TNR: variants seen among roughly 807,000 people sequenced by gnomAD.
TNR encodes tenascin-R.
TNR carries 45 observed loss-of-function variants against 150.4 expected under a neutral mutation model. That is an observed-to-expected ratio of 0.30 (90% CI 0.24 to 0.38). The LOEUF is 0.38. Among genes scored for constraint, TNR ranks in the 10% least tolerant of loss-of-function variants. The probability of loss-of-function intolerance (pLI) is 1.00; values close to 1 mark genes in which losing one functional copy is unlikely to be tolerated. For missense variants in TNR, 1,544 were observed against 1,759.1 expected, an observed-to-expected ratio of 0.88 and a Z score of 2.19; for synonymous variants, 687 against 678.4, an observed-to-expected ratio of 1.01 and a Z score of -0.20.
chr1:175,731,413 A>G (rs1048261625), intron 1 of TNR, among the ~76,000 whole-genome samples: 1 of 152,224 alleles, frequency 6.6e-6, no homozygotes, highest in Admixed American at 6.5e-5. Flanking sequence ...GGTTGTGCAG[A>G]TCAAATATAG....
At chr1:175,531,860 C>T (rs1660083106) in intron 1 of TNR, among the ~76,000 whole-genome samples, 1 of 152,244 alleles carries the variant, frequency 6.6e-6, no homozygotes, top group African/African-American at 2.4e-5. Context: ...TTGGCTTGGA[C>T]TTTGTAGCAT....
At chr1:175,512,407 A>G (rs1418901905) in intron 2 of TNR, among the ~76,000 whole-genome samples, 2 of 152,218 alleles carry the variant, frequency 1.3e-5, no homozygotes, top group Non-Finnish European at 2.9e-5. Flanking sequence ...GGGAAAAGCA[A>G]TTTTAAAAAT....
chr1:175,450,370 G>A (rs746424772), intron 2 of TNR, among the ~76,000 whole-genome samples: 4 of 152,102 alleles, frequency 2.6e-5, no homozygotes, highest in Non-Finnish European at 5.9e-5. Flanking sequence ...TTAACCTTTA[G>A]CAATGACAAA....
chr1:175,581,545 C>A (rs1439775564), intron 1 of TNR, among the ~76,000 whole-genome samples: 4 of 152,154 alleles, frequency 2.6e-5, no homozygotes, highest in African/African-American at 9.7e-5. Flanking sequence ...GAGCAAGGAA[C>A]CCTCATGGCA....
intron 2 of TNR, among the ~76,000 whole-genome samples, chr1:175,526,443 G>C (rs1342496660): frequency 6.6e-6 from 1 of 152,158 alleles, no homozygotes; most frequent in East Asian, 1.9e-4. Context: ...TATCTACACA[G>C]AGAATCACAG....
At chr1:175,563,443 T>G (rs1661509634) in intron 1 of TNR, among the ~76,000 whole-genome samples, 1 of 152,178 alleles carries the variant, frequency 6.6e-6, no homozygotes, top group African/African-American at 2.4e-5. Context: ...TATTTCATGC[T>G]CCTCAACAGC....
intron 21 of TNR, among the ~76,000 whole-genome samples, chr1:175,326,112 G>T (rs910575858): frequency 2.6e-5 from 4 of 152,274 alleles, no homozygotes; most frequent in Middle Eastern, 3.4e-3. Flanking sequence ...TAAAGAGGTG[G>T]TGAGATTTTT....
chr1:175,436,292 G>T (rs1360057273), intron 2 of TNR, among the ~76,000 whole-genome samples: 1 of 152,004 alleles, frequency 6.6e-6, no homozygotes, highest in Non-Finnish European at 1.5e-5. Flanking sequence ...ACATAGATTT[G>T]GTCTTTTCAC....
At chr1:175,357,439 T>C (rs900095104) in intron 15 of TNR, among the ~76,000 whole-genome samples, 1 of 152,214 alleles carries the variant, frequency 6.6e-6, no homozygotes, top group Non-Finnish European at 1.5e-5. Context: ...TCTAAAGGCA[T>C]ACAAACAAGT....
intron 14 of TNR, 60 bp downstream of exon 14, chr1:175,362,600 GAAC>G (rs1651650087): frequency 8.9e-6 from 14 of 1,580,258 alleles, no homozygotes; most frequent in Non-Finnish European, 1.2e-5. Flanking sequence ...CTACAAGCCC[GAAC>G]AACTTCACCC....
chr1:175,347,616 T>C (rs1190644462), intron 18 of TNR, among the ~76,000 whole-genome samples: 3 of 151,994 alleles, frequency 2.0e-5, no homozygotes, highest in East Asian at 3.9e-4. Context: ...TTAGTAGAGA[T>C]GGGGTTTCAT....
intron 8 of TNR, among the ~76,000 whole-genome samples, chr1:175,382,180 GAATGTAATT>G (rs1279158270): frequency 1.3e-5 from 2 of 152,198 alleles, no homozygotes; most frequent in African/African-American, 4.8e-5. Context: ...TTCTCCACTG[GAATGTAATT>G]AATGTGAACC....
intron 1 of TNR, among the ~76,000 whole-genome samples, chr1:175,634,840 A>G (rs1396879468): frequency 1.3e-5 from 2 of 152,180 alleles, no homozygotes; most frequent in African/African-American, 4.8e-5. Context: ...GCACATTATA[A>G]TTTATACAGT....
At chr1:175,605,517 T>A (rs989922000) in intron 1 of TNR, among the ~76,000 whole-genome samples, 1 of 152,234 alleles carries the variant, frequency 6.6e-6, no homozygotes, top group Non-Finnish European at 1.5e-5. Flanking sequence ...CTTGTCCTCA[T>A]GAACATAGCA....
At chr1:175,725,399 C>T (rs530427699) in intron 1 of TNR, among the ~76,000 whole-genome samples, 10 of 152,304 alleles carry the variant, frequency 6.6e-5, no homozygotes, top group African/African-American at 2.4e-4. Flanking sequence ...ACCATGAAAA[C>T]CACAGCATTG....
chr1:175,699,629 A>C (rs1184512916), intron 1 of TNR, among the ~76,000 whole-genome samples: 1 of 152,034 alleles, frequency 6.6e-6, no homozygotes, highest in African/African-American at 2.4e-5. Context: ...TGGGCTGTCT[A>C]TTTTGGTAGG....
intron 1 of TNR, among the ~76,000 whole-genome samples, chr1:175,643,902 T>C (rs966689125): frequency 1.3e-5 from 2 of 152,210 alleles, no homozygotes; most frequent in African/African-American, 2.4e-5. Context: ...GTTTAAGTGA[T>C]ATGAAAGTCA....
chr1:175,369,453 C>T (rs1426308059), intron 9 of TNR, among the ~76,000 whole-genome samples: 1 of 152,186 alleles, frequency 6.6e-6, no homozygotes, highest in Non-Finnish European at 1.5e-5. Context: ...GTGTCTTCCC[C>T]TCTTCTTATA....
At chr1:175,687,075 G>C (rs557863566) in intron 1 of TNR, among the ~76,000 whole-genome samples, 82 of 152,280 alleles carry the variant, frequency 5.4e-4, no homozygotes, top group Non-Finnish European at 9.3e-4. Flanking sequence ...GAGCACAGTT[G>C]CATCTATGCT....
Sources: allele counts gnomAD v4.1 joint callset (sites outside exome capture counted in the v4.1 genomes callset), GRCh38; gene constraint gnomAD v4.1.1; transcripts MANE v1.5; gene names NCBI Gene and HGNC (gene_info 2026-07-23, HGNC 2026-07-21).